Variants in OMA1 observed in about 807,000 individuals in gnomAD.
OMA1 encodes the protein metalloendopeptidase OMA1, mitochondrial.
Under a neutral mutation model 30.9 loss-of-function variants are expected in OMA1, and 38 were observed. The ratio of observed to expected loss-of-function variants is 1.23; its 90% CI spans 0.95 to 1.61. The LOEUF (loss-of-function observed/expected upper bound fraction) is 1.61. Ranked by LOEUF, OMA1 falls within the 40% of genes most tolerant of loss-of-function variation. The pLI is 0.00. For missense variants in OMA1, 461 were observed against 349.2 expected (o/e 1.32, Z -2.55); for synonymous variants, 173 against 121.9 (o/e 1.42, Z -2.76).
At chr1:58,500,058 A>G (rs983137980) in intron 8 of OMA1, among the ~76,000 whole-genome samples, 6 of 152,240 alleles carry the variant, frequency 3.9e-5, no homozygotes, top group African/African-American at 1.4e-4. Flanking sequence ...TTCAAGAGGG[A>G]AAAAAATCAC....
At chr1:58,521,339 G>A (rs1208530586) in intron 7 of OMA1, among the ~76,000 whole-genome samples, 1 of 139,270 alleles carries the variant, frequency 7.2e-6, no homozygotes, top group African/African-American at 2.5e-5. Flanking sequence ...AAAAAAAAAA[G>A]AGTTTAAAAT....
intron 7 of OMA1, among the ~76,000 whole-genome samples, chr1:58,509,074 G>C (rs1322182774): frequency 6.6e-6 from 1 of 152,110 alleles, no homozygotes; most frequent in Non-Finnish European, 1.5e-5. Context: ...GACTGGTGAA[G>C]ATCTTCTCCT....
Position 58,506,218 on chromosome 1 carries a change from A to C in OMA1, c.1216-9T>G, listed in dbSNP as rs1645987489. 1.2e-6 allele frequency: 1 copy of C among 860,760 alleles called. No homozygotes were observed. Among genetic ancestry groups the C allele is most frequent in the Non-Finnish European group, 2.0e-6 (1 of 493,992 alleles). 53.3% of individuals were successfully genotyped at this position (860,760 alleles called of 1,614,324 possible). A position where few individuals can be genotyped will look rare whatever the true frequency, so the allele number is the denominator to read the frequency against. ...CTTATGTCTGCACAAGCCTAAAACC[A>C]AAATTAGTAAAACCACACAATGAGC... On this transcript the variant is annotated splice_polypyrimidine_tract_variant and intron_variant, in intron 7 of 8. Transcript: ENST00000371226.
intron 8 of OMA1, among the ~76,000 whole-genome samples, chr1:58,485,228 T>TAAAAAAAAAAAAAAAAAAAA (rs71043289): frequency 4.8e-5 from 2 of 42,036 alleles, no homozygotes; most frequent in Non-Finnish European, 8.3e-5. Context: ...AGTCTACTAC[T>TAAAAAAAAAAAAAAAAAAAA]AAAAAAAAAA....
chr1:58,514,758 G>T (rs1646134181), intron 7 of OMA1, among the ~76,000 whole-genome samples: 2 of 152,134 alleles, frequency 1.3e-5, no homozygotes, highest in Non-Finnish European at 2.9e-5. Flanking sequence ...ATATAAAAAT[G>T]ATCATTATTT....
At chr1:58,494,983 A>G (rs886417445) in intron 8 of OMA1, among the ~76,000 whole-genome samples, 50 of 152,198 alleles carry the variant, frequency 3.3e-4, no homozygotes, top group Non-Finnish European at 6.2e-4. Flanking sequence ...TGTTTATTGC[A>G]GCACTATTCA....
chr1:58,539,484 A>C (rs1173799529), intron 1 of OMA1, among the ~76,000 whole-genome samples, 174 bp from the exon 2 acceptor site: 4 of 152,210 alleles, frequency 2.6e-5, no homozygotes, highest in African/African-American at 7.2e-5. Flanking sequence ...GATAAACCAG[A>C]GTATATATAC....
chr1:58,489,213 C>T (rs75082463), intron 8 of OMA1, among the ~76,000 whole-genome samples: 14 of 152,146 alleles, frequency 9.2e-5, no homozygotes, highest in East Asian at 1.9e-4. Flanking sequence ...GGGTAACAGA[C>T]GGCACCTGGA....
At position 58,481,152 on chromosome 1, in the gene OMA1, C is replaced by T; in HGVS notation, c.1388G>A (p.Cys463Tyr). Residue 463 changes from cysteine (C) to tyrosine (Y), a missense_variant, in exon 9 of 9, where the codon TGT (cysteine) becomes TAT (tyrosine). Transcript: ENST00000371226. Reference protein sequence around the residue: ...IPQALKIREMCNCPPLSNPDP... With the variant: ...IPQALKIREMYNCPPLSNPDP... ...TGGATTAGACAGTGGTGGACAATTA[C>T]ACATCTCTCTAATTTTGAGAGCCTA... 3 of 852,026 alleles carry T rather than the reference C, an allele frequency of 3.5e-6. No homozygotes were observed. The highest frequency in any genetic ancestry group is 6.1e-6 in the Non-Finnish European group (3 of 492,498). The allele number at this position is 852,026 out of a possible 1,614,324, so 52.8% of individuals were successfully genotyped here. A position where few individuals can be genotyped will look rare whatever the true frequency, so the allele number is the denominator to read the frequency against.
intron 7 of OMA1, among the ~76,000 whole-genome samples, chr1:58,516,476 T>C (rs575097732): frequency 5.0e-4 from 76 of 152,356 alleles, no homozygotes; most frequent in Non-Finnish European, 8.7e-4. Context: ...TTAATTTACA[T>C]GTTGGTCTTA....
At position 58,534,277 on chromosome 1, in the gene OMA1, C is replaced by G. The variant is rs201766894; in HGVS notation, c.784G>C (p.Ala262Pro). Residue 262 changes from alanine to proline, a missense_variant, in exon 4 of 9, where the codon GCT becomes CCT. Ala to Pro is a conservative substitution (Grantham distance 27, BLOSUM62 -1). Coordinates refer to ENST00000371226, the MANE Select transcript of OMA1 (RefSeq NM_145243.5). ...MLTEKDARYL[A>P]VKEVLCHLIE... is the part of the protein sequence containing the mutation. ...AGATGACAAAGCACTTCTTTAACAG[C>G]CAGGTATCGGGCATCTTTCTCAGTT... 1.1e-6 allele frequency: 1 copy of G among 870,552 alleles called. No homozygotes were observed. Among genetic ancestry groups the G allele is most frequent in the East Asian group, 2.4e-5 (1 of 41,596 alleles). 53.9% of individuals were successfully genotyped at this position (870,552 alleles called of 1,614,324 possible).
chr1:58,494,798 G>A (rs75605743), intron 8 of OMA1, among the ~76,000 whole-genome samples: 22,969 of 152,148 alleles, frequency 0.15, 1,822 homozygotes, highest in Middle Eastern at 0.23. Context: ...TGGAGAAATA[G>A]GAACACCTTT....
At position 58,536,512 on chromosome 1, in the gene OMA1, C is replaced by T; in HGVS notation, c.729+1G>A. The T allele has an allele frequency of 1.1e-6, 1 of 870,140 alleles. No homozygotes were observed. Among genetic ancestry groups the T allele is most frequent in the East Asian group, 2.4e-5 (1 of 41,646 alleles). The allele number at this position is 870,140 out of a possible 1,614,324, so 53.9% of individuals were successfully genotyped here. A position where few individuals can be genotyped will look rare whatever the true frequency, so the allele number is the denominator to read the frequency against. On this transcript the variant is annotated splice_donor_variant, in intron 3 of 8. Coordinates refer to ENST00000371226, the MANE Select transcript of OMA1 (RefSeq NM_145243.5). LOFTEE classifies it high-confidence loss of function. ...AATTAAAAACAACTCTTACTACTTA[C>T]TGCTTCATATTCCAGTTCCGATAAA...
At chr1:58,523,675 G>A (rs535931569) in intron 7 of OMA1, among the ~76,000 whole-genome samples, 5 of 152,268 alleles carry the variant, frequency 3.3e-5, no homozygotes, top group African/African-American at 7.2e-5. Flanking sequence ...CAAGGAGGGC[G>A]GATCACGAGG....
Position 58,535,045 on chromosome 1 carries a change from C to G in OMA1, c.730-714G>C, listed in dbSNP as rs539310614. Reference sequence around the variant, plus strand: ...GCATTGAACAGAAAAACACCCTATACCTAATAAGAAAGTTAAACTACCAAA... The same window carrying G: ...GCATTGAACAGAAAAACACCCTATAGCTAATAAGAAAGTTAAACTACCAAA... On this transcript the variant is annotated intron_variant, in intron 3 of 8. Transcript: ENST00000371226. Among the ~76,000 whole-genome samples, 295 of 152,154 alleles carry G rather than the reference C, an allele frequency of 1.9e-3. 1 individual carries two copies. Among genetic ancestry groups the G allele is most frequent in the African/African-American group, 6.1e-3 (255 of 41,486 alleles).
chr1:58,522,521 C>A (rs1646280817), intron 7 of OMA1, among the ~76,000 whole-genome samples: 1 of 151,960 alleles, frequency 6.6e-6, no homozygotes, highest in African/African-American at 2.4e-5. Flanking sequence ...ACAAAGTTGC[C>A]CATCACCAAC....
rs1491423686 is a variant in OMA1 at position 58,518,285 on chromosome 1, GAA to G, written c.1215+8974_1215+8975del. Among the ~76,000 whole-genome samples, 30 of 16,228 alleles carry G rather than the reference GAA, an allele frequency of 1.8e-3. 5 individuals carry two copies. The highest frequency in any genetic ancestry group is 0.05 in the Middle Eastern group (2 of 40). 10.6% of individuals were successfully genotyped at this position (16,228 alleles called of 152,430 possible). ...GGAGAGGAGAGAGGAGAGGAGAAGA[GAA>G]GAGAAGAGAAGAGAAGAGAAGAGAA... is the stretch of plus-strand genomic sequence containing the variant. On this transcript the variant is annotated intron_variant, in intron 7 of 8. Transcript: ENST00000371226.
chr1:58,506,037 C>T (rs1177867328), intron 8 of OMA1, 23 bp downstream of exon 8: 16 of 831,158 alleles, frequency 1.9e-5, no homozygotes, highest in South Asian at 2.9e-5. Flanking sequence ...AATAATGTCC[C>T]GCCTTCTACG....
At chr1:58,537,600 G>A (rs1190824571) in intron 2 of OMA1, among the ~76,000 whole-genome samples, 1 of 152,078 alleles carries the variant, frequency 6.6e-6, no homozygotes, top group Non-Finnish European at 1.5e-5. Flanking sequence ...TTTCAATACT[G>A]GGACAAAAAT....
Sources: allele counts gnomAD v4.1 joint callset (sites outside exome capture counted in the v4.1 genomes callset), GRCh38; gene constraint gnomAD v4.1.1; transcripts MANE v1.5; gene names NCBI Gene and HGNC (gene_info 2026-07-23, HGNC 2026-07-21).